Variants in ENOX1 observed in about 807,000 individuals in gnomAD.
The protein encoded by ENOX1 is ecto-NOX disulfide-thiol exchanger 1.
ENOX1 carries 42 observed loss-of-function variants against 82.5 expected under a neutral mutation model. That is an observed-to-expected ratio of 0.51 (90% CI 0.40 to 0.66). The LOEUF (loss-of-function observed/expected upper bound fraction) is 0.66, where lower values mean the gene tolerates loss of function less well. Ranked by LOEUF, ENOX1 falls within the 30% of genes least tolerant of loss-of-function variation. The probability of loss-of-function intolerance (pLI) is 0.00; values close to 1 mark genes in which losing one functional copy is unlikely to be tolerated. For missense variants in ENOX1, 608 were observed against 811.6 expected (o/e 0.75, Z 3.05); for synonymous variants, 271 against 282.2 (o/e 0.96, Z 0.40).
intron 1 of ENOX1, among the ~76,000 whole-genome samples, chr13:43,734,881 T>C (rs1448019046): frequency 6.6e-6 from 1 of 152,148 alleles, no homozygotes; most frequent in Non-Finnish European, 1.5e-5. Flanking sequence ...TGTTAGCTAG[T>C]TATGTTTTTA....
intron 3 of ENOX1, among the ~76,000 whole-genome samples, chr13:43,440,056 T>A (rs2056277843): frequency 6.6e-6 from 1 of 152,190 alleles, no homozygotes; most frequent in Admixed American, 6.5e-5. Flanking sequence ...GACAGCCCCT[T>A]ACATCAGCAA....
At chr13:43,769,421 AT>A (rs200429126) in intron 1 of ENOX1, among the ~76,000 whole-genome samples, 10 of 149,488 alleles carry the variant, frequency 6.7e-5, no homozygotes, top group East Asian at 3.9e-4. Flanking sequence ...TTCTAAGTTA[AT>A]TTTTTTTTTT....
intron 2 of ENOX1, among the ~76,000 whole-genome samples, chr13:43,550,478 A>T (rs9562498): frequency 0.13 from 20,004 of 152,066 alleles, 1,873 homozygotes; most frequent in East Asian, 0.48. Context: ...AGAGAACCAC[A>T]TTTGCTGTTC....
At chr13:43,557,290 G>A (rs1002356109) in intron 2 of ENOX1, among the ~76,000 whole-genome samples, 1 of 152,184 alleles carries the variant, frequency 6.6e-6, no homozygotes, top group African/African-American at 2.4e-5. Flanking sequence ...ATGGCCAGAA[G>A]GTGGTAGGGG....
intron 12 of ENOX1, among the ~76,000 whole-genome samples, chr13:43,272,196 T>C (rs1369532660): frequency 6.6e-6 from 1 of 152,190 alleles, no homozygotes; most frequent in Non-Finnish European, 1.5e-5. Flanking sequence ...ATCTAATCCA[T>C]GCTTCTGATG....
intron 2 of ENOX1, among the ~76,000 whole-genome samples, chr13:43,588,557 G>A (rs573213255): frequency 2.0e-5 from 3 of 152,312 alleles, no homozygotes; most frequent in Admixed American, 1.3e-4. Flanking sequence ...CTTCAATATA[G>A]GGAAGTTGAG....
chr13:43,708,590 T>A (rs1165901968), intron 1 of ENOX1, among the ~76,000 whole-genome samples: 1 of 152,194 alleles, frequency 6.6e-6, no homozygotes, highest in Non-Finnish European at 1.5e-5. Context: ...CCATATGGAT[T>A]TGGTGCAGCT....
chr13:43,739,029 C>A (rs994011880), intron 1 of ENOX1, among the ~76,000 whole-genome samples: 3 of 152,178 alleles, frequency 2.0e-5, no homozygotes, highest in African/African-American at 7.2e-5. Flanking sequence ...AATAAAAAAA[C>A]TATCCTATCT....
At chr13:43,294,141 C>CAGCT (rs1244267068) in intron 12 of ENOX1, among the ~76,000 whole-genome samples, 1 of 152,138 alleles carries the variant, frequency 6.6e-6, no homozygotes, top group South Asian at 2.1e-4. Flanking sequence ...TGGCCTAAGA[C>CAGCT]AGCTGGTCTT....
intron 1 of ENOX1, among the ~76,000 whole-genome samples, chr13:43,741,626 T>A (rs1312851098): frequency 6.6e-6 from 1 of 152,222 alleles, no homozygotes; most frequent in African/African-American, 2.4e-5. Flanking sequence ...GTTCTTTACA[T>A]ATCCAATATA....
intron 11 of ENOX1, among the ~76,000 whole-genome samples, chr13:43,298,942 T>C (rs2046422332): frequency 2.0e-5 from 3 of 152,212 alleles, no homozygotes; most frequent in Admixed American, 1.3e-4. Flanking sequence ...GGAGGGCTGC[T>C]TGCTTTCAAA....
intron 2 of ENOX1, among the ~76,000 whole-genome samples, chr13:43,563,308 T>C (rs9594974): frequency 0.17 from 26,049 of 152,068 alleles, 2,699 homozygotes; most frequent in Non-Finnish European, 0.24. Context: ...AATGAAATGA[T>C]TAAGAAGGAA....
intron 14 of ENOX1, among the ~76,000 whole-genome samples, chr13:43,255,611 G>C (rs1376633582): frequency 6.6e-6 from 1 of 152,072 alleles, no homozygotes; most frequent in African/African-American, 2.4e-5. Flanking sequence ...ACAGAAATCA[G>C]TAGTATTTAT....
intron 2 of ENOX1, among the ~76,000 whole-genome samples, chr13:43,551,334 G>A (rs2079187484): frequency 6.6e-6 from 1 of 151,998 alleles, no homozygotes; most frequent in Non-Finnish European, 1.5e-5. Flanking sequence ...CTATTGACTT[G>A]TATATGTTAA....
chr13:43,451,700 C>T (rs1326114720), intron 3 of ENOX1, among the ~76,000 whole-genome samples: 1 of 152,176 alleles, frequency 6.6e-6, no homozygotes, highest in Non-Finnish European at 1.5e-5. Flanking sequence ...TCCTAGTCTC[C>T]TACTTCTACT....
At chr13:43,224,176 G>T (rs1174962271) in intron 15 of ENOX1, 38 bp from the exon 16 acceptor site, 1 of 1,496,170 alleles carries the variant, frequency 6.7e-7, no homozygotes, top group Admixed American at 1.7e-5. Context: ...TTATTCAAAG[G>T]CATATGAGAG....
intron 2 of ENOX1, among the ~76,000 whole-genome samples, chr13:43,650,449 T>A (rs2084106008): frequency 6.6e-6 from 1 of 152,196 alleles, no homozygotes; most frequent in African/African-American, 2.4e-5. Flanking sequence ...ACTTGTTTTT[T>A]GTGTGAGCAG....
intron 5 of ENOX1, among the ~76,000 whole-genome samples, chr13:43,371,634 T>C (rs74464150): frequency 0.012 from 1,805 of 152,324 alleles, 29 homozygotes; most frequent in African/African-American, 0.04. Flanking sequence ...ATGTGAGAGA[T>C]AGGTAACGTC....
chr13:43,328,266 G>C (rs2048228629), intron 9 of ENOX1, among the ~76,000 whole-genome samples: 1 of 152,186 alleles, frequency 6.6e-6, no homozygotes, highest in South Asian at 2.1e-4. Context: ...TGTTTTGTCT[G>C]TACACAGGCT....
Sources: allele counts gnomAD v4.1 joint callset (sites outside exome capture counted in the v4.1 genomes callset), GRCh38; gene constraint gnomAD v4.1.1; transcripts MANE v1.5; gene names NCBI Gene and HGNC (gene_info 2026-07-23, HGNC 2026-07-21).